RABL3: variants seen among roughly 807,000 people sequenced by gnomAD.
RABL3 encodes rab-like protein 3.
RABL3 carries 31 observed loss-of-function variants against 31.8 expected under a neutral mutation model. The observed-to-expected ratio is 0.97, with a 90% CI of 0.73 to 1.31. The LOEUF (loss-of-function observed/expected upper bound fraction) is 1.31. Among genes scored for constraint, RABL3 ranks in the 40% most tolerant of loss-of-function variants. The pLI is 0.00. For missense variants in RABL3, 263 were observed against 279.6 expected (o/e 0.94, Z 0.42); for synonymous variants, 97 against 99.9 (o/e 0.97, Z 0.18).
intron 1 of RABL3, 40 bp from the exon 2 acceptor site, chr3:120,730,827 G>A: frequency 7.4e-7 from 1 of 1,354,904 alleles, no homozygotes; most frequent in South Asian, 1.2e-5. Context: ...TAAGAGACAA[G>A]GCTGAAATCT....
intron 2 of RABL3, chr3:120,722,398 A>G (rs114488625): frequency 7.2e-5 from 11 of 152,336 alleles, no homozygotes; most frequent in African/African-American, 2.4e-4. Flanking sequence ...ACAAGATATT[A>G]GAAAAATTAT....
intron 1 of RABL3, among the ~76,000 whole-genome samples, chr3:120,737,129 T>C (rs1477294205): frequency 2.0e-5 from 3 of 152,242 alleles, no homozygotes; most frequent in Non-Finnish European, 4.4e-5. Flanking sequence ...TTTTCCAACT[T>C]GGTTCCATTC....
intron 1 of RABL3, among the ~76,000 whole-genome samples, chr3:120,732,454 TG>T (rs1386959135): frequency 2.6e-5 from 4 of 152,344 alleles, no homozygotes; most frequent in African/African-American, 7.2e-5. Context: ...TTTTTTTGAT[TG>T]GATGTTGGAT....
intron 2 of RABL3, among the ~76,000 whole-genome samples, chr3:120,711,133 C>T (rs1436336254): frequency 6.6e-6 from 1 of 152,090 alleles, no homozygotes; most frequent in Non-Finnish European, 1.5e-5. Context: ...TTTTCAGCTT[C>T]CATTTGGGTC....
At chr3:120,710,545 T>A (rs1465142842) in intron 2 of RABL3, 2 of 152,222 alleles carry the variant, frequency 1.3e-5, no homozygotes, top group Admixed American at 1.3e-4. Context: ...CCTTTCTCCA[T>A]CTGTGCCCAC....
intron 5 of RABL3, among the ~76,000 whole-genome samples, chr3:120,694,732 T>C (rs1371968599): frequency 6.6e-6 from 1 of 152,122 alleles, no homozygotes; most frequent in Non-Finnish European, 1.5e-5. Flanking sequence ...GATTTCTCTT[T>C]AGATGCAAGG....
intron 5 of RABL3, among the ~76,000 whole-genome samples, chr3:120,695,821 T>C (rs569834312): frequency 2.6e-4 from 40 of 152,102 alleles, no homozygotes; most frequent in Non-Finnish European, 5.0e-4. Context: ...GCTGAAGTAC[T>C]AAATACAAAA....
At chr3:120,737,131 G>GTTCCATTC (rs1553727601) in intron 1 of RABL3, among the ~76,000 whole-genome samples, 2 of 152,146 alleles carry the variant, frequency 1.3e-5, no homozygotes, top group Non-Finnish European at 2.9e-5. Context: ...TTCCAACTTG[G>GTTCCATTC]TTCCATTCTC....
chr3:120,722,129 A>G (rs1454345604), intron 2 of RABL3: 1 of 152,106 alleles, frequency 6.6e-6, no homozygotes, highest in African/African-American at 2.4e-5. Context: ...CACGTGAAAT[A>G]TTTTATCATC....
intron 4 of RABL3, among the ~76,000 whole-genome samples, chr3:120,699,837 C>T (rs1708475937): frequency 6.6e-6 from 1 of 152,100 alleles, no homozygotes; most frequent in African/African-American, 2.4e-5. Context: ...ATGATCAAGA[C>T]CTTTGATTAT....
At chr3:120,690,004 C>A in intron 7 of RABL3, 116 bp from the exon 8 acceptor site, 1 of 771,968 alleles carries the variant, frequency 1.3e-6, no homozygotes. Context: ...CTTAAAAAAA[C>A]AACTTTCTGA....
At chr3:120,705,020 G>A (rs1348980794) in intron 4 of RABL3, among the ~76,000 whole-genome samples, 1 of 152,024 alleles carries the variant, frequency 6.6e-6, no homozygotes, top group Non-Finnish European at 1.5e-5. Flanking sequence ...GCAAGGCTCA[G>A]TCTCAAAACA....
intron 2 of RABL3, among the ~76,000 whole-genome samples, chr3:120,723,447 A>C (rs1379076454): frequency 6.6e-6 from 1 of 152,204 alleles, no homozygotes; most frequent in Non-Finnish European, 1.5e-5. Context: ...AACTCATTTT[A>C]TGAGGCCAGC....
chr3:120,694,921 C>A (rs1306022665), intron 5 of RABL3, among the ~76,000 whole-genome samples: 1 of 149,980 alleles, frequency 6.7e-6, no homozygotes, highest in Non-Finnish European at 1.5e-5. Flanking sequence ...AACTTTAAAA[C>A]CTTAAAAGGC....
At chr3:120,707,467 A>G (rs1387830155) in intron 3 of RABL3, among the ~76,000 whole-genome samples, 1 of 152,210 alleles carries the variant, frequency 6.6e-6, no homozygotes, top group African/African-American at 2.4e-5. Flanking sequence ...TTTAATTTTC[A>G]GAACAGTCCT....
chr3:120,725,384 T>C (rs1297658293), intron 2 of RABL3, among the ~76,000 whole-genome samples: 1 of 152,216 alleles, frequency 6.6e-6, no homozygotes. Flanking sequence ...TGGAAGTCAG[T>C]GTGGTGATTC....
Position 120,698,554 on chromosome 3 carries a change from A to ACTGTTC in RABL3, c.397_402dup (p.Glu133_Gln134dup). On this transcript the variant is annotated inframe_insertion, in exon 5 of 8. Coordinates refer to ENST00000273375, the MANE Select transcript of RABL3 (RefSeq NM_173825.5). ...AACAGTGGTATTTGGTTATCAGCAA[A>ACTGTTC]CTGTTCTTGATCATAATCCCTGTGA... The ACTGTTC allele has an allele frequency of 6.2e-7, 1 of 1,611,866 alleles. No homozygotes were observed. The highest frequency in any genetic ancestry group is 8.5e-7 in the Non-Finnish European group (1 of 1,178,498).
intron 6 of RABL3, 66 bp from the exon 7 acceptor site, chr3:120,690,553 C>A (rs1576328690): frequency 1.9e-6 from 2 of 1,059,416 alleles, no homozygotes. Context: ...ACTGCAACGA[C>A]CACTAATGGT....
At chr3:120,715,607 T>A (rs1337247642) in intron 2 of RABL3, among the ~76,000 whole-genome samples, 1 of 152,150 alleles carries the variant, frequency 6.6e-6, no homozygotes, top group African/African-American at 2.4e-5. Flanking sequence ...ATTAGCAACA[T>A]GTGACTACTT....
Sources: allele counts gnomAD v4.1 joint callset (sites outside exome capture counted in the v4.1 genomes callset), GRCh38; gene constraint gnomAD v4.1.1; transcripts MANE v1.5; gene names NCBI Gene and HGNC (gene_info 2026-07-23, HGNC 2026-07-21).